RAB11FIP2: variants seen among roughly 807,000 people sequenced by gnomAD.
RAB11FIP2 encodes rab11 family-interacting protein 2.
RAB11FIP2 carries 16 observed loss-of-function variants against 40.9 expected under a neutral mutation model. That is an observed-to-expected ratio of 0.39 (90% CI 0.26 to 0.59). RAB11FIP2 has a LOEUF of 0.59. Among genes scored for constraint, RAB11FIP2 ranks in the 20% least tolerant of loss-of-function variants. The probability of loss-of-function intolerance (pLI) is 0.53; values close to 1 mark genes in which losing one functional copy is unlikely to be tolerated. For missense variants in RAB11FIP2, 532 were observed against 606.2 expected (o/e 0.88, Z 1.28); for synonymous variants, 228 against 213.7 (o/e 1.07, Z -0.58).
At chr10:118,043,136 T>C (rs1425549855) in intron 1 of RAB11FIP2, among the ~76,000 whole-genome samples, 1 of 152,066 alleles carries the variant, frequency 6.6e-6, no homozygotes, top group Admixed American at 6.5e-5. Context: ...CCAGCACACA[T>C]ATGGGAACTA....
Position 118,038,959 on chromosome 10 carries a change from A to G in RAB11FIP2, c.1265+13T>C. 6.5e-7 allele frequency: 1 copy of G among 1,540,360 alleles called. No homozygotes were observed. The highest frequency in any genetic ancestry group is 1.2e-5 in the South Asian group (1 of 80,792). ...TTTCCCAAATAGTAGAACTTCCCCC[A>G]TATTAAGCTTACCTTGAAGATGGCA... On this transcript the variant is annotated intron_variant, in intron 3 of 4. Transcript: ENST00000355624.
chr10:118,042,492 A>ATGAACCACATATGTTAATAAGG (rs1293603642), intron 1 of RAB11FIP2, among the ~76,000 whole-genome samples: 16 of 152,336 alleles, frequency 1.1e-4, no homozygotes, highest in African/African-American at 3.4e-4. Context: ...TTCTTATTTG[A>ATGAACCACATATGTTAATAAGG]TGAACCACAT....
In RAB11FIP2 at chr10:118,007,690, C is replaced by T. The variant is rs1442529489; in HGVS notation, c.*1308G>A. The T allele has an allele frequency of 6.6e-6, 1 of 151,914 alleles. No homozygotes were observed. Among genetic ancestry groups the T allele is most frequent in the African/African-American group, 2.4e-5 (1 of 41,382 alleles). The allele number at this position is 151,914 out of a possible 1,614,324, so 9.4% of individuals were successfully genotyped here. A position where few individuals can be genotyped will look rare whatever the true frequency, so the allele number is the denominator to read the frequency against. ...GATTAGCAATATTTTTATAACATTGCTTGTCAATTTAAATTTCAGAAAAAA... is the reference window on the plus strand; with the variant it reads ...GATTAGCAATATTTTTATAACATTGTTTGTCAATTTAAATTTCAGAAAAAA... On this transcript the variant is annotated 3_prime_UTR_variant, in exon 5 of 5. Coordinates refer to ENST00000355624, the MANE Select transcript of RAB11FIP2 (RefSeq NM_014904.3).
At position 118,030,873 on chromosome 10, in the gene RAB11FIP2, T is replaced by C. The variant is rs573734372; in HGVS notation, c.1265+8099A>G. ...TAATGAGAGCTATTATAATGAGTATTAGGATGACAAAGGGTAAAAAAGTTT... is the reference window on the plus strand; with the variant it reads ...TAATGAGAGCTATTATAATGAGTATCAGGATGACAAAGGGTAAAAAAGTTT... On this transcript the variant is annotated intron_variant, in intron 3 of 4. Transcript: ENST00000355624. Among the ~76,000 whole-genome samples, 4 of 152,206 alleles carry C rather than the reference T, an allele frequency of 2.6e-5. No individual in the cohort carries two copies. The South Asian group carries it at 8.3e-4, about 32-fold the overall frequency.
At chr10:118,036,972 T>A (rs995774248) in intron 3 of RAB11FIP2, among the ~76,000 whole-genome samples, 1 of 152,128 alleles carries the variant, frequency 6.6e-6, no homozygotes, top group Non-Finnish European at 1.5e-5. Context: ...TTTTTCCATA[T>A]GCACCCATAA....
At chr10:118,010,803 C>CT (rs1846145639) in intron 4 of RAB11FIP2, among the ~76,000 whole-genome samples, 1 of 151,980 alleles carries the variant, frequency 6.6e-6, no homozygotes, top group South Asian at 2.1e-4. Context: ...GCAGTGAACT[C>CT]TGCTTGTTCA....
In RAB11FIP2 at chr10:118,007,984, C is replaced by T. The variant is rs1846113456; in HGVS notation, c.*1014G>A. The T allele has an allele frequency of 1.3e-5, 2 of 152,506 alleles. No individual in the cohort carries two copies. The highest frequency in any genetic ancestry group is 4.1e-4 in the South Asian group (2 of 4,824). The allele number at this position is 152,506 out of a possible 1,614,324, so 9.4% of individuals were successfully genotyped here. On this transcript the variant is annotated 3_prime_UTR_variant, in exon 5 of 5. Transcript: ENST00000355624. Reference sequence around the variant, plus strand: ...ATTCTTCATTCCTGGAATCTGCCCGCTGCTTTGGGTTATCAGACACACCAG... The same window carrying T: ...ATTCTTCATTCCTGGAATCTGCCCGTTGCTTTGGGTTATCAGACACACCAG...
Position 118,046,359 on chromosome 10 carries a change from C to A in RAB11FIP2, c.-196G>T. The A allele has an allele frequency of 1.7e-6, 1 of 586,734 alleles. No homozygotes were observed. Among genetic ancestry groups the A allele is most frequent in the East Asian group, 2.8e-5 (1 of 35,582 alleles). 36.3% of individuals were successfully genotyped at this position (586,734 alleles called of 1,614,324 possible). ...AGGGGCACGGCCGCTCCGGGGGTCC[C>A]CTTTCGTCTGGAGAAACACAGAGGC... On this transcript the variant is annotated 5_prime_UTR_variant, in exon 1 of 5. Coordinates refer to ENST00000355624, the MANE Select transcript of RAB11FIP2 (RefSeq NM_014904.3).
At position 118,027,471 on chromosome 10, in the gene RAB11FIP2, T is replaced by C. The variant is rs142565385; in HGVS notation, c.1265+11501A>G. Among the ~76,000 whole-genome samples the C allele has an allele frequency of 9.4e-3, 1,430 of 152,346 alleles. 9 individuals are homozygous for C. Among genetic ancestry groups the C allele is most frequent in the Middle Eastern group, 0.017 (5 of 294 alleles). On this transcript the variant is annotated intron_variant, in intron 3 of 4. Coordinates refer to ENST00000355624, the MANE Select transcript of RAB11FIP2 (RefSeq NM_014904.3). ...AATTATTTGCAGCATTTAATTTCTT[T>C]GAAGATAAAAAGTCTCTATGAAACA...
At chr10:118,018,947 A>G (rs904736426) in intron 3 of RAB11FIP2, among the ~76,000 whole-genome samples, 1 of 151,922 alleles carries the variant, frequency 6.6e-6, no homozygotes, top group Non-Finnish European at 1.5e-5. Flanking sequence ...TTAAACATAT[A>G]TATTCTTTTG....
chr10:118,042,409 A>C (rs994447432), intron 1 of RAB11FIP2, among the ~76,000 whole-genome samples: 4 of 152,186 alleles, frequency 2.6e-5, no homozygotes, highest in Non-Finnish European at 4.4e-5. Context: ...GTAACTTCCC[A>C]ATGTCAGATT....
chr10:118,023,821 G>C (rs568952024), intron 3 of RAB11FIP2, among the ~76,000 whole-genome samples: 1 of 152,284 alleles, frequency 6.6e-6, no homozygotes, highest in African/African-American at 2.4e-5. Context: ...AACAGAAATA[G>C]GGGCTCACGC....
chr10:118,015,349 T>C (rs1394374451), intron 3 of RAB11FIP2, among the ~76,000 whole-genome samples: 1 of 152,150 alleles, frequency 6.6e-6, no homozygotes, highest in Admixed American at 6.5e-5. Flanking sequence ...AAGAATGAAA[T>C]AGGAAGTTTC....
At chr10:118,017,781 G>C (rs1178818435) in intron 3 of RAB11FIP2, 1 of 152,050 alleles carries the variant, frequency 6.6e-6, no homozygotes, top group East Asian at 1.9e-4. Context: ...TATGTCTCAG[G>C]AAAAAATCAC....
intron 4 of RAB11FIP2, among the ~76,000 whole-genome samples, chr10:118,014,543 A>G (rs767777259): frequency 5.3e-5 from 8 of 152,014 alleles, no homozygotes; most frequent in Non-Finnish European, 1.0e-4. Flanking sequence ...GTCGCTACCA[A>G]TCCTGTTAAC....
At position 118,032,041 on chromosome 10, in the gene RAB11FIP2, T is replaced by A. The variant is rs182658446; in HGVS notation, c.1265+6931A>T. Among the ~76,000 whole-genome samples, 888 of 150,390 alleles carry A rather than the reference T, an allele frequency of 5.9e-3. 8 individuals are homozygous for A. Among genetic ancestry groups the A allele is most frequent in the African/African-American group, 0.02 (840 of 41,350 alleles). On this transcript the variant is annotated intron_variant, in intron 3 of 4. Coordinates refer to ENST00000355624, the MANE Select transcript of RAB11FIP2 (RefSeq NM_014904.3). Reference sequence around the variant, plus strand: ...AGTAGTAGGCTTATATTGATTTTTTTAAAAAAATTCAGAATAAGACATACA... The same window carrying A: ...AGTAGTAGGCTTATATTGATTTTTTAAAAAAAATTCAGAATAAGACATACA...
chr10:118,014,013 T>C (rs971297035), intron 4 of RAB11FIP2, among the ~76,000 whole-genome samples: 1 of 150,544 alleles, frequency 6.6e-6, no homozygotes, highest in African/African-American at 2.5e-5. Context: ...GACTGCCATA[T>C]TATAAAGACT....
Position 118,039,253 on chromosome 10 carries a change from G to T in RAB11FIP2, c.984C>A (p.Ser328Arg). The T allele has an allele frequency of 6.2e-7, 1 of 1,613,598 alleles. No individual in the cohort carries two copies. The highest frequency in any genetic ancestry group is 8.5e-7 in the Non-Finnish European group (1 of 1,179,732). ...TCATGCTGCTGTCCCATGTTTCGCT[G>T]CTTTCTTCAAATGGATTTTTCTTCC... ...LPRKKNPFEE[S>R]SETWDSSMNL... The change falls in exon 3 of 5, where the codon AGC becomes AGA. Residue 328 changes from serine (S) to arginine (R), a missense_variant. Physicochemically the swap from Ser to Arg is moderately radical, Grantham distance 110 (BLOSUM62 -1). Coordinates refer to ENST00000355624, the MANE Select transcript of RAB11FIP2 (RefSeq NM_014904.3).
At chr10:118,042,649 T>C (rs1263720912) in intron 1 of RAB11FIP2, among the ~76,000 whole-genome samples, 2 of 152,178 alleles carry the variant, frequency 1.3e-5, no homozygotes, top group African/African-American at 4.8e-5. Flanking sequence ...GCATTAAATG[T>C]TTATTCAATT....
Sources: gnomAD v4.1 joint callset for allele counts (sites outside exome capture counted in the v4.1 genomes callset) on GRCh38, gnomAD v4.1.1 for gene constraint, MANE v1.5 for transcripts, NCBI Gene and HGNC (gene_info 2026-07-23, HGNC 2026-07-21) for gene names.